EYS: variants seen among roughly 807,000 people sequenced by gnomAD.
The protein encoded by EYS is EGF-like photoreceptor maintenance factor, also known as protein eyes shut homolog.
Under a neutral mutation model 282.1 loss-of-function variants are expected in EYS, and 250 were observed. That is an observed-to-expected ratio of 0.89 (90% CI 0.80 to 0.98). The LOEUF (loss-of-function observed/expected upper bound fraction) is 0.98, where lower values mean the gene tolerates loss of function less well. Ranked by LOEUF, EYS falls within the 50% of genes least tolerant of loss-of-function variation. The probability of loss-of-function intolerance (pLI) is 0.00; values close to 1 mark genes in which losing one functional copy is unlikely to be tolerated. For synonymous variants in EYS, 1,355 were observed against 1,282.9 expected (o/e 1.06, Z -1.20); for missense variants, 4,016 against 3,709.0 (o/e 1.08, Z -2.15).
At chr6:64,948,242 A>C (rs1343928511) in intron 14 of EYS, among the ~76,000 whole-genome samples, 1 of 151,340 alleles carries the variant, frequency 6.6e-6, no homozygotes, top group Non-Finnish European at 1.5e-5. Context: ...GTGCATAGCA[A>C]CTAAAAATAA....
At chr6:65,149,373 C>T (rs1237338540) in intron 12 of EYS, among the ~76,000 whole-genome samples, 2 of 152,140 alleles carry the variant, frequency 1.3e-5, no homozygotes, top group African/African-American at 2.4e-5. Flanking sequence ...GCAAGAGTTA[C>T]CTTTGCTCCA....
intron 2 of EYS, among the ~76,000 whole-genome samples, chr6:65,589,541 C>T (rs1398252989): frequency 6.6e-6 from 1 of 151,896 alleles, no homozygotes; most frequent in Non-Finnish European, 1.5e-5. Flanking sequence ...TTGAATTCTG[C>T]TTGTACTCTC....
chr6:64,393,212 A>C (rs1263226881), intron 28 of EYS, among the ~76,000 whole-genome samples: 1 of 152,164 alleles, frequency 6.6e-6, no homozygotes, highest in Admixed American at 6.5e-5. Flanking sequence ...ACAAGGAGGA[A>C]CTGGTACCAT....
At chr6:65,052,561 AT>A (rs1259574825) in intron 13 of EYS, among the ~76,000 whole-genome samples, 1 of 151,606 alleles carries the variant, frequency 6.6e-6, no homozygotes, top group African/African-American at 2.4e-5. Flanking sequence ...AAAATAGAAA[AT>A]TGTGGTATCC....
intron 12 of EYS, among the ~76,000 whole-genome samples, chr6:65,280,020 C>T (rs1164354503): frequency 3.3e-5 from 5 of 152,148 alleles, no homozygotes; most frequent in Non-Finnish European, 7.4e-5. Flanking sequence ...CCCAGGATAG[C>T]AACCACTTAT....
At chr6:65,212,261 T>C (rs1766194535) in intron 12 of EYS, among the ~76,000 whole-genome samples, 1 of 151,790 alleles carries the variant, frequency 6.6e-6, no homozygotes, top group Admixed American at 6.6e-5. Context: ...AAACTGACAA[T>C]TGGAAAAGAA....
intron 22 of EYS, among the ~76,000 whole-genome samples, chr6:64,694,654 G>A (rs1366578021): frequency 6.6e-6 from 1 of 152,144 alleles, no homozygotes; most frequent in Non-Finnish European, 1.5e-5. Context: ...CTAACTGGAT[G>A]GGAATTTGTG....
At chr6:64,884,756 G>A (rs1272232084) in intron 19 of EYS, among the ~76,000 whole-genome samples, 2 of 151,562 alleles carry the variant, frequency 1.3e-5, no homozygotes, top group Admixed American at 6.6e-5. Flanking sequence ...GTCCAGTCAT[G>A]TATCTTTCTT....
chr6:63,791,828 G>T (rs1248295502), intron 37 of EYS, among the ~76,000 whole-genome samples: 1 of 151,998 alleles, frequency 6.6e-6, no homozygotes, highest in African/African-American at 2.4e-5. Context: ...GAATATAGAG[G>T]TACATAAGGA....
chr6:64,843,537 G>T (rs555409881), intron 19 of EYS, among the ~76,000 whole-genome samples: 4 of 152,166 alleles, frequency 2.6e-5, no homozygotes, highest in Non-Finnish European at 4.4e-5. Context: ...TTACTGCCCC[G>T]CTGGATTTTG....
intron 26 of EYS, among the ~76,000 whole-genome samples, chr6:64,566,047 A>G (rs1308159191): frequency 6.6e-6 from 1 of 151,746 alleles, no homozygotes; most frequent in Non-Finnish European, 1.5e-5. Context: ...TCACAAATGT[A>G]AGAGAAATCC....
intron 5 of EYS, among the ~76,000 whole-genome samples, chr6:65,470,801 A>C (rs528299628): frequency 5.3e-5 from 8 of 152,280 alleles, no homozygotes; most frequent in African/African-American, 1.9e-4. Context: ...AAGAAGAGAA[A>C]TTGTTACCTA....
At chr6:65,297,297 G>A (rs984329370) in intron 11 of EYS, among the ~76,000 whole-genome samples, 1 of 151,824 alleles carries the variant, frequency 6.6e-6, no homozygotes, top group African/African-American at 2.4e-5. Context: ...AATGGGCTGA[G>A]AAAAGCAATG....
At chr6:64,281,186 T>A (rs1337191603) in intron 30 of EYS, among the ~76,000 whole-genome samples, 1 of 152,090 alleles carries the variant, frequency 6.6e-6, no homozygotes. Flanking sequence ...AGTCAGTTAA[T>A]CTCTGATCAG....
chr6:64,045,866 T>C (rs554749603), intron 33 of EYS, among the ~76,000 whole-genome samples: 10 of 140,072 alleles, frequency 7.1e-5, no homozygotes, highest in Non-Finnish European at 1.6e-4. Context: ...AATATACACA[T>C]ATGTACCATA....
intron 35 of EYS, among the ~76,000 whole-genome samples, chr6:63,973,240 T>A (rs931066350): frequency 6.6e-6 from 1 of 152,162 alleles, no homozygotes; most frequent in Admixed American, 6.5e-5. Flanking sequence ...TTTTTAATGA[T>A]CAGCATTCTA....
intron 30 of EYS, among the ~76,000 whole-genome samples, chr6:64,300,516 T>C (rs1230946389): frequency 6.6e-6 from 1 of 152,088 alleles, no homozygotes; most frequent in Non-Finnish European, 1.5e-5. Context: ...CCAAATCCCA[T>C]TTAAGTAAAA....
At chr6:65,642,516 A>G (rs1420090645) in intron 1 of EYS, among the ~76,000 whole-genome samples, 1 of 134,052 alleles carries the variant, frequency 7.5e-6, no homozygotes, top group Non-Finnish European at 1.7e-5. Flanking sequence ...CAATTCTTCA[A>G]GAAAGCCAAT....
At chr6:65,147,937 G>T (rs980451100) in intron 12 of EYS, among the ~76,000 whole-genome samples, 18 of 152,124 alleles carry the variant, frequency 1.2e-4, no homozygotes, top group Admixed American at 8.5e-4. Context: ...CAGATCTCCT[G>T]AGAACTCACT....
Sources: allele counts gnomAD v4.1 joint callset (sites outside exome capture counted in the v4.1 genomes callset), GRCh38; gene constraint gnomAD v4.1.1; transcripts MANE v1.5; gene names NCBI Gene and HGNC (gene_info 2026-07-23, HGNC 2026-07-21).